Variants in KLHL13 observed in about 807,000 individuals in gnomAD.
KLHL13 encodes kelch-like protein 13.
A neutral mutation model predicts 37.1 loss-of-function variants in KLHL13; 10 were observed. The ratio of observed to expected loss-of-function variants is 0.27; its 90% CI spans 0.17 to 0.46. The LOEUF (loss-of-function observed/expected upper bound fraction) is 0.46. Among genes scored for constraint, KLHL13 ranks in the 20% least tolerant of loss-of-function variants. The pLI, the probability that KLHL13 is intolerant of heterozygous loss-of-function variation, is 1.00. For synonymous variants in KLHL13, 163 were observed against 181.2 expected (o/e 0.90, Z 0.81); for missense variants, 360 against 509.3 (o/e 0.71, Z 2.82).
chrX:117,939,339 T>C (rs1033162362), intron 2 of KLHL13, among the ~76,000 whole-genome samples: 1 of 112,398 alleles, frequency 8.9e-6, no homozygotes, highest in African/African-American at 3.2e-5. Flanking sequence ...CAGTCTATCA[T>C]TGATGGGCAT....
At position 117,953,374 on chromosome X, in the gene KLHL13, A is replaced by T. The variant is rs189010491; in HGVS notation, c.99-7799T>A. Among the ~76,000 whole-genome samples the T allele has an allele frequency of 1.9e-3, 212 of 109,954 alleles. 1 individual carries two copies. Among genetic ancestry groups the T allele is most frequent in the African/African-American group, 6.7e-3 (203 of 30,222 alleles). On this transcript the variant is annotated intron_variant, in intron 1 of 6. Coordinates refer to ENST00000262820, the Ensembl canonical transcript of KLHL13. ...AACAATGAGAAAACATGGACACAAG[A>T]AGGGGAACATCACACTCTGGGGACT... is the stretch of plus-strand genomic sequence containing the variant.
At chrX:117,914,892 A>C (rs934996954) in intron 4 of KLHL13, among the ~76,000 whole-genome samples, 1 of 112,153 alleles carries the variant, frequency 8.9e-6, no homozygotes, top group African/African-American at 3.2e-5. Flanking sequence ...CCCAGATAGC[A>C]GATAGGCAAG....
intron 1 of KLHL13, among the ~76,000 whole-genome samples, chrX:118,093,276 T>C (rs1441161712): frequency 8.9e-6 from 1 of 112,147 alleles, no homozygotes; most frequent in Admixed American, 9.5e-5. Flanking sequence ...ACTAGTTATA[T>C]AAAATAATAA....
intron 1 of KLHL13, among the ~76,000 whole-genome samples, chrX:118,014,509 C>A (rs190387820): frequency 8.9e-6 from 1 of 112,050 alleles, no homozygotes; most frequent in East Asian, 2.8e-4. Flanking sequence ...CATCAGTATT[C>A]TAATTTTGCC....
At chrX:118,098,331 T>C (rs1263019323) in intron 1 of KLHL13, among the ~76,000 whole-genome samples, 1 of 111,794 alleles carries the variant, frequency 8.9e-6, no homozygotes, top group Admixed American at 9.5e-5. Flanking sequence ...AAAATGCTCA[T>C]CATCACTGGC....
Position 118,057,226 on chromosome X carries a change from C to A in KLHL13, c.-56+59282G>T, listed in dbSNP as rs1452469151. On this transcript the variant is annotated intron_variant, in intron 1 of 6. Transcript: ENST00000371882. ...GGTTAACTATTTTCCATAAGTGTTC[C>A]AAGACTGTTCATTGAGGAGAGGAAA... Among the ~76,000 whole-genome samples the A allele has an allele frequency of 2.7e-5, 3 of 111,810 alleles. No homozygotes were observed. The East Asian group carries it at 8.4e-4, about 31-fold the overall frequency.
intron 1 of KLHL13, among the ~76,000 whole-genome samples, chrX:118,036,023 G>A (rs6646046): frequency 5.0e-4 from 48 of 96,151 alleles, no homozygotes; most frequent in African/African-American, 9.4e-4. Context: ...ATACCTAGGA[G>A]TCCAACTTAC....
At chrX:117,921,686 G>A (rs1268726470) in intron 2 of KLHL13, among the ~76,000 whole-genome samples, 1 of 111,836 alleles carries the variant, frequency 8.9e-6, no homozygotes, top group Non-Finnish European at 1.9e-5. Context: ...AGAGCAAAAG[G>A]CATAACATAT....
chrX:117,958,720 A>G (rs2053242971), intron 1 of KLHL13, among the ~76,000 whole-genome samples: 1 of 110,186 alleles, frequency 9.1e-6, no homozygotes, highest in Admixed American at 9.9e-5. Flanking sequence ...AAGAGATGAT[A>G]ATAAAAAACA....
At chrX:117,956,675 A>G in intron 1 of KLHL13, among the ~76,000 whole-genome samples, 1 of 111,858 alleles carries the variant, frequency 8.9e-6, no homozygotes, top group East Asian at 2.8e-4. Flanking sequence ...TCACACCCCA[A>G]ACTATAATTT....
chrX:118,104,032 G>C (rs770372121), intron 1 of KLHL13, among the ~76,000 whole-genome samples: 1 of 86,158 alleles, frequency 1.2e-5, no homozygotes, highest in African/African-American at 4.8e-5. Context: ...GCAACATACC[G>C]AGGCCTCATT....
Position 118,081,273 on chromosome X carries a change from A to C in KLHL13, c.-56+35235T>G, listed in dbSNP as rs769875152. On this transcript the variant is annotated intron_variant, in intron 1 of 6. Transcript: ENST00000371882. ...TTTAAATACTCCCTAACAAGAATAA[A>C]TTATTTTTCTATCAAATTGTGTGCA... 1.5e-4 allele frequency among the ~76,000 whole-genome samples: 17 copies of C among 111,633 alleles called. 1 individual carries two copies. Among genetic ancestry groups the C allele is most frequent in the African/African-American group, 5.2e-4 (16 of 30,779 alleles).
intron 1 of KLHL13, among the ~76,000 whole-genome samples, chrX:117,990,877 A>G (rs1054148184): frequency 1.8e-5 from 2 of 111,816 alleles, no homozygotes; most frequent in African/African-American, 6.5e-5. Flanking sequence ...TTCTCACCCC[A>G]TTTTCTGGCT....
At chrX:118,079,128 T>C (rs187508462) in intron 1 of KLHL13, among the ~76,000 whole-genome samples, 44 of 110,886 alleles carry the variant, frequency 4.0e-4, no homozygotes, top group African/African-American at 1.3e-3. Context: ...AAAGAATTCA[T>C]AAAATTCAAA....
chrX:118,091,161 G>C (rs1005505108), intron 1 of KLHL13, among the ~76,000 whole-genome samples: 11 of 104,118 alleles, frequency 1.1e-4, no homozygotes, highest in African/African-American at 3.8e-4. Flanking sequence ...ATAGCATTAG[G>C]AGATATACCT....
intron 1 of KLHL13, among the ~76,000 whole-genome samples, chrX:117,953,074 T>C (rs1275061085): frequency 1.8e-5 from 2 of 110,893 alleles, no homozygotes; most frequent in Non-Finnish European, 3.8e-5. Flanking sequence ...CAAAGGACTA[T>C]AAATCATGCT....
chrX:118,018,113 C>T (rs73597420), intron 1 of KLHL13, among the ~76,000 whole-genome samples: 3,002 of 111,563 alleles, frequency 0.027, 98 homozygotes, highest in African/African-American at 0.092. Context: ...TAGAATAAAA[C>T]TTCATATAGG....
intron 2 of KLHL13, among the ~76,000 whole-genome samples, chrX:117,930,277 G>A (rs1932362160): frequency 1.0e-5 from 1 of 99,162 alleles, no homozygotes; most frequent in Non-Finnish European, 2.0e-5. Context: ...AGGAAGGAAG[G>A]AAGGAAGGAA....
chrX:117,920,483 C>T, intron 2 of KLHL13, 113 bp from the exon 4 acceptor site: 1 of 753,673 alleles, frequency 1.3e-6, no homozygotes, highest in Non-Finnish European at 1.9e-6. Flanking sequence ...GAACATAAAG[C>T]CAACAGAATA....
Sources: allele counts gnomAD v4.1 joint callset (sites outside exome capture counted in the v4.1 genomes callset), GRCh38; gene constraint gnomAD v4.1.1; transcripts MANE v1.5; gene names NCBI Gene and HGNC (gene_info 2026-07-23, HGNC 2026-07-21).